CNTN6: variants seen among roughly 807,000 people sequenced by gnomAD.
CNTN6 encodes contactin-6.
In CNTN6, 137 loss-of-function variants were observed where a neutral mutation model predicts 122.8. The observed-to-expected ratio is 1.12, with a 90% CI of 0.97 to 1.29. The LOEUF (loss-of-function observed/expected upper bound fraction) is 1.29, where lower values mean the gene tolerates loss of function less well. CNTN6 is among the 50% of genes most tolerant of loss of function. CNTN6 has a pLI of 0.00. For missense variants in CNTN6, 1,634 were observed against 1,223.4 expected, an observed-to-expected ratio of 1.34 and a Z score of -5.01; for synonymous variants, 570 against 426.0, an observed-to-expected ratio of 1.34 and a Z score of -4.16.
intron 11 of CNTN6, among the ~76,000 whole-genome samples, chr3:1,332,062 A>G (rs1575737119): frequency 6.6e-6 from 1 of 151,934 alleles, no homozygotes. Context: ...CTTTCATTCT[A>G]TCTTTTCATT....
intron 2 of CNTN6, among the ~76,000 whole-genome samples, chr3:1,172,915 G>A (rs1398993278): frequency 6.6e-6 from 1 of 152,150 alleles, no homozygotes; most frequent in Non-Finnish European, 1.5e-5. Flanking sequence ...CAACATCAGA[G>A]GCAGGAATCT....
intron 4 of CNTN6, among the ~76,000 whole-genome samples, chr3:1,240,332 A>T (rs2094466644): frequency 6.6e-6 from 1 of 152,210 alleles, no homozygotes; most frequent in Non-Finnish European, 1.5e-5. Context: ...CAAGAAAAAA[A>T]CAAACAATCC....
intron 1 of CNTN6, among the ~76,000 whole-genome samples, chr3:1,111,360 C>T (rs562791483): frequency 2.9e-4 from 44 of 152,252 alleles, no homozygotes; most frequent in Non-Finnish European, 5.3e-4. Flanking sequence ...TTTAGGCTAA[C>T]GTATTTAATT....
intron 5 of CNTN6, among the ~76,000 whole-genome samples, chr3:1,282,851 C>G (rs1216633083): frequency 6.6e-6 from 1 of 152,186 alleles, no homozygotes; most frequent in Non-Finnish European, 1.5e-5. Context: ...ACTCCTTTAG[C>G]TTCTCAGTGC....
intron 4 of CNTN6, among the ~76,000 whole-genome samples, chr3:1,242,980 G>T (rs888100980): frequency 6.6e-5 from 10 of 152,134 alleles, no homozygotes; most frequent in Admixed American, 6.5e-4. Flanking sequence ...TTAAGAAGGG[G>T]ACGGACTTAC....
intron 2 of CNTN6, among the ~76,000 whole-genome samples, chr3:1,209,705 A>T (rs534408063): frequency 2.6e-5 from 4 of 152,180 alleles, no homozygotes; most frequent in Non-Finnish European, 5.9e-5. Flanking sequence ...GAGCAACATC[A>T]GTGTCTCCAG....
rs983031866 is a variant in CNTN6, at chr3:1,278,422, A to G, written c.368A>G (p.Asp123Gly). The change falls in exon 5 of 23, where the codon GAC (aspartate) becomes GGC (glycine). Residue 123 changes from aspartate (D) to glycine (G), a missense_variant. Coordinates refer to ENST00000446702, the MANE Select transcript of CNTN6 (RefSeq NM_001289080.2). ...TTCTTTGTTTTCCAAGATATTGAAGACTTTGAAACTAAAACAAGAAGCACA... is the reference window on the plus strand; with the variant it reads ...TTCTTTGTTTTCCAAGATATTGAAGGCTTTGAAACTAAAACAAGAAGCACA... ...KAKLQFAYIE[D>G]FETKTRSTVS... The G allele has an allele frequency of 3.1e-6, 5 of 1,600,930 alleles. No homozygotes were observed. Among genetic ancestry groups the G allele is most frequent in the Non-Finnish European group, 4.3e-6 (5 of 1,171,252 alleles).
chr3:1,297,781 CCTAA>C lies in CNTN6; in HGVS notation c.659-105_659-102del, dbSNP rs1575598353. ...ATGTATCCAATTCTTAACTGAAAAC[CCTAA>C]CTCTTATTAAGAAGAAATAATCAGG... On this transcript the variant is annotated intron_variant, in intron 6 of 22. Coordinates refer to ENST00000446702, the MANE Select transcript of CNTN6 (RefSeq NM_001289080.2). 29 of 884,368 alleles carry C rather than the reference CCTAA, an allele frequency of 3.3e-5. 1 individual carries two copies. The East Asian group carries it at 6.9e-4, about 21-fold the overall frequency. The allele number at this position is 884,368 out of a possible 1,614,324, so 54.8% of individuals were successfully genotyped here. A position where few individuals can be genotyped will look rare whatever the true frequency, so the allele number is the denominator to read the frequency against.
intron 2 of CNTN6, among the ~76,000 whole-genome samples, chr3:1,156,287 A>AAAATGTT (rs2092960560): frequency 1.3e-5 from 2 of 152,210 alleles, no homozygotes; most frequent in Non-Finnish European, 2.9e-5. Context: ...CCAGTAACAT[A>AAAATGTT]TTCTTCCATT....
rs139163492 is a variant in CNTN6 at position 1,317,356 on chromosome 3, C to T, written c.762-4294C>T. 3.3e-3 allele frequency among the ~76,000 whole-genome samples: 500 copies of T among 151,810 alleles called. 3 individuals carry two copies. Among genetic ancestry groups the T allele is most frequent in the African/African-American group, 0.011 (467 of 41,434 alleles). Reference sequence around the variant, plus strand: ...GAAACTAACCTAGCTAGCATTTGAACTGAGGCATTCAGAATCTATTTGTCA... The same window carrying T: ...GAAACTAACCTAGCTAGCATTTGAATTGAGGCATTCAGAATCTATTTGTCA... On this transcript the variant is annotated intron_variant, in intron 7 of 22. Coordinates refer to ENST00000446702, the MANE Select transcript of CNTN6 (RefSeq NM_001289080.2).
intron 2 of CNTN6, among the ~76,000 whole-genome samples, chr3:1,167,341 G>A (rs1306094754): frequency 6.6e-6 from 1 of 152,026 alleles, no homozygotes. Context: ...TTTACGGGAG[G>A]TCTTACCTAG....
At chr3:1,254,471 T>C (rs530872608) in intron 4 of CNTN6, among the ~76,000 whole-genome samples, 1 of 152,308 alleles carries the variant, frequency 6.6e-6, no homozygotes, top group South Asian at 2.1e-4. Flanking sequence ...TCCTGTTTTT[T>C]CAGGAACAAT....
intron 1 of CNTN6, among the ~76,000 whole-genome samples, chr3:1,110,285 C>T (rs1191215045): frequency 6.6e-6 from 1 of 152,050 alleles, no homozygotes; most frequent in Non-Finnish European, 1.5e-5. Context: ...ACATATCCAA[C>T]TCTGCTAAAC....
chr3:1,392,919 G>A (rs1420414643), intron 20 of CNTN6, among the ~76,000 whole-genome samples: 9 of 121,500 alleles, frequency 7.4e-5, no homozygotes, highest in Admixed American at 3.4e-4. Flanking sequence ...AGGTGCTGGA[G>A]AGGATGTGGA....
intron 7 of CNTN6, among the ~76,000 whole-genome samples, chr3:1,305,150 G>A (rs1698147502): frequency 6.6e-6 from 1 of 152,078 alleles, no homozygotes; most frequent in Admixed American, 6.6e-5. Flanking sequence ...TAAAAGTCTG[G>A]TATACCTGAT....
intron 2 of CNTN6, among the ~76,000 whole-genome samples, chr3:1,166,326 A>G (rs902982178): frequency 6.6e-6 from 1 of 152,160 alleles, no homozygotes. Flanking sequence ...CATTCAGATA[A>G]CACAAGAGTA....
At chr3:1,352,220 A>G in intron 11 of CNTN6, 104 bp from the exon 12 acceptor site, 1 of 1,012,494 alleles carries the variant, frequency 9.9e-7, no homozygotes, top group Non-Finnish European at 1.4e-6. Flanking sequence ...TCATATTATC[A>G]CATACACCCA....
At chr3:1,266,669 C>T (rs1015076732) in intron 4 of CNTN6, among the ~76,000 whole-genome samples, 8 of 152,134 alleles carry the variant, frequency 5.3e-5, no homozygotes, top group Non-Finnish European at 1.2e-4. Context: ...CTATGAAGGA[C>T]CATAGCAGGT....
chr3:1,122,225 A>G (rs948307132), intron 1 of CNTN6, among the ~76,000 whole-genome samples: 1 of 151,824 alleles, frequency 6.6e-6, no homozygotes, highest in South Asian at 2.1e-4. Context: ...ATACCACAGT[A>G]TGACCCCAAC....
Sources: allele counts gnomAD v4.1 joint callset (sites outside exome capture counted in the v4.1 genomes callset), GRCh38; gene constraint gnomAD v4.1.1; transcripts MANE v1.5; gene names NCBI Gene and HGNC (gene_info 2026-07-23, HGNC 2026-07-21).